Variants in PLPP6 observed in about 807,000 individuals in gnomAD.
PLPP6 encodes the protein polyisoprenoid diphosphate/phosphate phosphohydrolase PLPP6.
A neutral mutation model predicts 16.5 loss-of-function variants in PLPP6; 16 were observed. The observed-to-expected ratio is 0.97, with a 90% CI of 0.66 to 1.47. The LOEUF (loss-of-function observed/expected upper bound fraction) is 1.47, where lower values mean the gene tolerates loss of function less well. Ranked by LOEUF, PLPP6 falls within the 40% of genes most tolerant of loss-of-function variation. The pLI is 0.00. For missense variants in PLPP6, 512 were observed against 396.6 expected, an observed-to-expected ratio of 1.29 and a Z score of -2.47; for synonymous variants, 226 against 188.1, an observed-to-expected ratio of 1.20 and a Z score of -1.65.
Position 4,663,167 on chromosome 9 carries a change from C to CT in PLPP6, c.798dup (p.Leu267SerfsTer18), listed in dbSNP as rs758302526. The stretch of plus-strand genomic sequence containing the variant: ...ACAATGTCACCGACGTAGCTTTTGG[C>CT]TTTTTTCTGGGCTACATGCAGTACA... On this transcript the variant is annotated frameshift_variant, in exon 1 of 1. Coordinates refer to ENST00000381883, the MANE Select transcript of PLPP6 (RefSeq NM_203453.5). LOFTEE classifies it high-confidence loss of function. The CT allele has an allele frequency of 3.2e-5, 51 of 1,613,996 alleles. 1 individual carries two copies. The highest frequency in any genetic ancestry group is 2.6e-4 in the South Asian group (24 of 91,082).
In PLPP6 at chr9:4,663,044, G is replaced by A; in HGVS notation, c.669G>A (p.Arg223=). Residue 223 remains arginine, a synonymous_variant, in exon 1 of 1, where the codon AGG becomes AGA. Transcript: ENST00000381883. The stretch of plus-strand genomic sequence containing the variant: ...CCACAAGGGCCGCCCTGATGTCGAG[G>A]TTCATCCTGAACCACCTGGTGCTGG... ...GHATRAALMS[R]FILNHLVLAI... The A allele has an allele frequency of 1.9e-6, 3 of 1,613,932 alleles. No homozygotes were observed. Among genetic ancestry groups the A allele is most frequent in the Non-Finnish European group, 1.7e-6 (2 of 1,179,968 alleles).
Position 4,662,580 on chromosome 9 carries a change from G to C in PLPP6, c.205G>C (p.Gly69Arg), listed in dbSNP as rs190018180. ...ATCGGAGAGCCCAGTTCACCGCCGCGGCTCCTTCCCCCTGGCCGCGGCGGG... is the reference window on the plus strand; with the variant it reads ...ATCGGAGAGCCCAGTTCACCGCCGCCGCTCCTTCCCCCTGGCCGCGGCGGG... Reference protein sequence around the residue: ...RASESPVHRRGSFPLAAAGPS... With the variant: ...RASESPVHRRRSFPLAAAGPS... Residue 69 changes from glycine to arginine, a missense_variant, in exon 1 of 1, where the codon GGC becomes CGC. Transcript: ENST00000381883. This position sits in a 1 kb window ranked among gnomAD's most constrained non-coding sequence, Gnocchi z 4.9. 6.3e-7 allele frequency: 1 copy of C among 1,590,162 alleles called. No individual in the cohort carries two copies. The highest frequency in any genetic ancestry group is 8.5e-7 in the Non-Finnish European group (1 of 1,176,192).
rs1840247681 is a variant in PLPP6 at position 4,663,041 on chromosome 9, G to C, written c.666G>C (p.Ser222=). Residue 222 remains serine (S), a synonymous_variant, in exon 1 of 1, where the codon TCG becomes TCC. Transcript: ENST00000381883. ...SGHATRAALM[S]RFILNHLVLA... is the part of the protein sequence containing the mutation. Reference sequence around the variant, plus strand: ...ATGCCACAAGGGCCGCCCTGATGTCGAGGTTCATCCTGAACCACCTGGTGC... The same window carrying C: ...ATGCCACAAGGGCCGCCCTGATGTCCAGGTTCATCCTGAACCACCTGGTGC... The C allele has an allele frequency of 6.2e-7, 1 of 1,613,678 alleles. No homozygotes were observed. Among genetic ancestry groups the C allele is most frequent in the Admixed American group, 1.7e-5 (1 of 59,966 alleles).
chr9:4,662,766 C>T lies in PLPP6; in HGVS notation c.391C>T (p.Arg131Ter). The change falls in exon 1 of 1, where the codon CGA becomes TGA. Residue 131 changes from arginine (R) to a stop codon, truncating the protein, a stop_gained. Transcript: ENST00000381883. LOFTEE classifies it high-confidence loss of function. The surrounding 1 kb of genome is among the most constrained non-coding windows in gnomAD (Gnocchi z 4.9). ...AGAGAGCTCGTCGTGGGGCAGCGTG[C>T]GACCCCTTATGAAGCTGCTGGAGAT... Reference protein sequence around the residue: ...AGESSSWGSVRPLMKLLEISG... With the variant: ...AGESSSWGSV 6.2e-7 allele frequency: 1 copy of T among 1,604,766 alleles called. No individual in the cohort carries two copies. Among genetic ancestry groups the T allele is most frequent in the Non-Finnish European group, 8.5e-7 (1 of 1,179,930 alleles).
At position 4,663,456 on chromosome 9, in the gene PLPP6, G is replaced by C; in HGVS notation, c.*193G>C. The C allele has an allele frequency of 3.3e-6, 2 of 612,516 alleles. No homozygotes were observed. Among genetic ancestry groups the C allele is most frequent in the South Asian group, 2.7e-5 (1 of 36,690 alleles). The allele number at this position is 612,516 out of a possible 1,614,324, so 37.9% of individuals were successfully genotyped here. ...GCCATTACTGAACACAGCCATATTA[G>C]GGAAAGCAAAAAAACCCAAAAAATC... On this transcript the variant is annotated 3_prime_UTR_variant, in exon 1 of 1. Coordinates refer to ENST00000381883, the MANE Select transcript of PLPP6 (RefSeq NM_203453.5).
At position 4,663,133 on chromosome 9, in the gene PLPP6, T is replaced by G. The variant is rs1457230959; in HGVS notation, c.758T>G (p.Leu253Arg). The G allele has an allele frequency of 3.7e-6, 6 of 1,614,030 alleles. No homozygotes were observed. Among genetic ancestry groups the G allele is most frequent in the Non-Finnish European group, 5.1e-6 (6 of 1,180,030 alleles). The change falls in exon 1 of 1, where the codon CTG becomes CGG. Residue 253 changes from leucine to arginine, a missense_variant. Transcript: ENST00000381883. ...GTCTTGGGCCTATCCAGGGTCATGC[T>G]GGGGCGGCACAATGTCACCGACGTA... The part of the protein sequence containing the change: ...AFVLGLSRVM[L>R]GRHNVTDVAF...
Position 4,662,943 on chromosome 9 carries a change from C to A in PLPP6, c.568C>A (p.Arg190Ser), listed in dbSNP as rs770812814. The A allele has an allele frequency of 1.8e-5, 29 of 1,611,490 alleles. 1 individual carries two copies. In the South Asian group the frequency reaches 2.9e-4, roughly 16 times the overall value. Residue 190 changes from arginine to serine, a missense_variant, in exon 1 of 1, where the codon CGC (arginine) becomes AGC (serine). Transcript: ENST00000381883. The surrounding 1 kb of genome is among the most constrained non-coding windows in gnomAD (Gnocchi z 4.9). ...VALIKGLVRR[R>S]RPAHNQMDMF... The stretch of plus-strand genomic sequence containing the variant: ...CTTGATCAAAGGGCTGGTCCGCAGG[C>A]GCCGCCCGGCCCACAACCAGATGGA...
chr9:4,662,642 G>C lies in PLPP6; in HGVS notation c.267G>C (p.Glu89Asp), dbSNP rs1211108379. 1.9e-6 allele frequency: 3 copies of C among 1,599,234 alleles called. No individual in the cohort carries two copies. The highest frequency in any genetic ancestry group is 1.1e-5 in the South Asian group (1 of 91,030). The change falls in exon 1 of 1, where the codon GAG (glutamate) becomes GAC (aspartate). Residue 89 changes from glutamate (E) to aspartate (D), a missense_variant. Physicochemically the swap from Glu to Asp is conservative, Grantham distance 45 (BLOSUM62 2). Coordinates refer to ENST00000381883, the MANE Select transcript of PLPP6 (RefSeq NM_203453.5). This position sits in a 1 kb window ranked among gnomAD's most constrained non-coding sequence, Gnocchi z 4.9. ...SQSPAPPLPE[E>D]DRMDLNPSFL... is the part of the protein sequence containing the mutation. The stretch of plus-strand genomic sequence containing the variant: ...CGCCCGCGCCTCCGCTGCCCGAGGA[G>C]GACCGCATGGACTTGAACCCGTCCT...
In PLPP6 at chr9:4,664,965, A is replaced by G. The variant is rs891065694; in HGVS notation, c.*1702A>G. 4 of 167,142 alleles carry G rather than the reference A, an allele frequency of 2.4e-5. No individual in the cohort carries two copies. The highest frequency in any genetic ancestry group is 5.9e-5 in the Non-Finnish European group (4 of 68,116). 10.4% of individuals were successfully genotyped at this position (167,142 alleles called of 1,614,324 possible). On this transcript the variant is annotated 3_prime_UTR_variant, in exon 1 of 1. Coordinates refer to ENST00000381883, the MANE Select transcript of PLPP6 (RefSeq NM_203453.5). ...AACCTTAGCGAGATCCTTTAACTGC[A>G]GCAATATTCAAGCCAGATATTTGGA...
Position 4,663,172 on chromosome 9 carries a change from T to G in PLPP6, c.797T>G (p.Phe266Cys). The G allele has an allele frequency of 1.9e-6, 3 of 1,614,172 alleles. No homozygotes were observed. The highest frequency in any genetic ancestry group is 2.5e-6 in the Non-Finnish European group (3 of 1,180,024). Residue 266 changes from phenylalanine (F) to cysteine (C), a missense_variant, in exon 1 of 1, where the codon TTT becomes TGT. Coordinates refer to ENST00000381883, the MANE Select transcript of PLPP6 (RefSeq NM_203453.5). ...HNVTDVAFGFFLGYMQYSIVD... is the reference protein window; with the variant it reads ...HNVTDVAFGFCLGYMQYSIVD... Reference sequence around the variant, plus strand: ...GTCACCGACGTAGCTTTTGGCTTTTTTCTGGGCTACATGCAGTACAGCATC... The same window carrying G: ...GTCACCGACGTAGCTTTTGGCTTTTGTCTGGGCTACATGCAGTACAGCATC...
Position 4,663,775 on chromosome 9 carries a change from G to A in PLPP6, c.*512G>A, listed in dbSNP as rs1840417594. ...CATAGGTTTTTCTAGTTTATTCCCT[G>A]AAGATCTGTTGCCACAGTTGGGAGA... is the stretch of plus-strand genomic sequence containing the variant. On this transcript the variant is annotated 3_prime_UTR_variant, in exon 1 of 1. Coordinates refer to ENST00000381883, the MANE Select transcript of PLPP6 (RefSeq NM_203453.5). 1 of 167,036 alleles carries A rather than the reference G, an allele frequency of 6.0e-6. No individual in the cohort carries two copies. The highest frequency in any genetic ancestry group is 1.5e-5 in the Non-Finnish European group (1 of 68,222). The allele number at this position is 167,036 out of a possible 1,614,324, so 10.3% of individuals were successfully genotyped here. A position where few individuals can be genotyped will look rare whatever the true frequency, so the allele number is the denominator to read the frequency against.
Position 4,663,417 on chromosome 9 carries a change from T to C in PLPP6, c.*154T>C. On this transcript the variant is annotated 3_prime_UTR_variant, in exon 1 of 1. Transcript: ENST00000381883. ...CCATGATCTTGATGTGCTGCTAGGC[T>C]GGAGCACACACTGGCCATTACTGAA... The C allele has an allele frequency of 4.9e-6, 4 of 820,076 alleles. No homozygotes were observed. The highest frequency in any genetic ancestry group is 5.9e-6 in the Non-Finnish European group (3 of 506,764). 50.8% of individuals were successfully genotyped at this position (820,076 alleles called of 1,614,324 possible). A position where few individuals can be genotyped will look rare whatever the true frequency, so the allele number is the denominator to read the frequency against.
At position 4,665,131 on chromosome 9, in the gene PLPP6, A is replaced by G. The variant is rs1840674717; in HGVS notation, c.*1868A>G. ...GCCTGAGTTTTCTGGCTCTTAAAGC[A>G]TAGATCATTTCACCTGATGTTTTTG... is the stretch of plus-strand genomic sequence containing the variant. On this transcript the variant is annotated 3_prime_UTR_variant, in exon 1 of 1. Coordinates refer to ENST00000381883, the MANE Select transcript of PLPP6 (RefSeq NM_203453.5). The G allele has an allele frequency of 6.0e-6, 1 of 167,152 alleles. No individual in the cohort carries two copies. Among genetic ancestry groups the G allele is most frequent in the African/African-American group, 2.4e-5 (1 of 41,474 alleles). The allele number at this position is 167,152 out of a possible 1,614,324, so 10.4% of individuals were successfully genotyped here. A position where few individuals can be genotyped will look rare whatever the true frequency, so the allele number is the denominator to read the frequency against.
chr9:4,663,037 T>C lies in PLPP6; in HGVS notation c.662T>C (p.Met221Thr), dbSNP rs1043581687. 9.9e-6 allele frequency: 16 copies of C among 1,613,782 alleles called. No homozygotes were observed. Among genetic ancestry groups the C allele is most frequent in the Non-Finnish European group, 1.3e-5 (15 of 1,179,956 alleles). ...GGCCATGCCACAAGGGCCGCCCTGA[T>C]GTCGAGGTTCATCCTGAACCACCTG... Reference protein sequence around the residue: ...PSGHATRAALMSRFILNHLVL... With the variant: ...PSGHATRAALTSRFILNHLVL... The change falls in exon 1 of 1, where the codon ATG becomes ACG. Residue 221 changes from methionine (M) to threonine (T), a missense_variant. By Grantham distance (81) the Met-to-Thr change is moderately conservative. Coordinates refer to ENST00000381883, the MANE Select transcript of PLPP6 (RefSeq NM_203453.5).
In PLPP6 at chr9:4,663,348, G is replaced by T; in HGVS notation, c.*85G>T. The T allele has an allele frequency of 7.1e-7, 1 of 1,400,956 alleles. No individual in the cohort carries two copies. The highest frequency in any genetic ancestry group is 9.9e-7 in the Non-Finnish European group (1 of 1,012,096). 86.8% of individuals were successfully genotyped at this position (1,400,956 alleles called of 1,614,324 possible). ...ACCTAAACCAGCAGCCATCCCGCTTGTCCCTCTTAGGCATTTCAGGCTTCC... is the reference window on the plus strand; with the variant it reads ...ACCTAAACCAGCAGCCATCCCGCTTTTCCCTCTTAGGCATTTCAGGCTTCC... On this transcript the variant is annotated 3_prime_UTR_variant, in exon 1 of 1. Coordinates refer to ENST00000381883, the MANE Select transcript of PLPP6 (RefSeq NM_203453.5).
chr9:4,662,901 G>C lies in PLPP6; in HGVS notation c.526G>C (p.Asp176His), dbSNP rs1204535292. The C allele has an allele frequency of 2.5e-6, 4 of 1,608,706 alleles. No homozygotes were observed. Among genetic ancestry groups the C allele is most frequent in the Non-Finnish European group, 3.4e-6 (4 of 1,179,986 alleles). ...LMNLLFALLL[D>H]LLLVALIKGL... ...GAACCTGCTCTTCGCCCTGCTGTTG[G>C]ACCTGCTGCTGGTGGCCTTGATCAA... Residue 176 changes from aspartate (D) to histidine (H), a missense_variant, in exon 1 of 1, where the codon GAC becomes CAC. Physicochemically the swap from Asp to His is moderately conservative, Grantham distance 81. Coordinates refer to ENST00000381883, the MANE Select transcript of PLPP6 (RefSeq NM_203453.5). The surrounding 1 kb of genome is among the most constrained non-coding windows in gnomAD (Gnocchi z 4.9).
In PLPP6 at chr9:4,663,300, G is replaced by A; in HGVS notation, c.*37G>A. ...TGATTATGGCACCAGGAAGTCTGAA[G>A]GTTTCCACATTCGATGATGTCAACC... is the stretch of plus-strand genomic sequence containing the variant. On this transcript the variant is annotated 3_prime_UTR_variant, in exon 1 of 1. Transcript: ENST00000381883. The A allele has an allele frequency of 6.3e-7, 1 of 1,586,086 alleles. No homozygotes were observed. Among genetic ancestry groups the A allele is most frequent in the Non-Finnish European group, 8.6e-7 (1 of 1,162,080 alleles).
rs1456413088 is a variant in PLPP6 at position 4,663,401 on chromosome 9, T to C, written c.*138T>C. ...TGGGATTTCAGGTGTCCCATGATCT[T>C]GATGTGCTGCTAGGCTGGAGCACAC... On this transcript the variant is annotated 3_prime_UTR_variant, in exon 1 of 1. Coordinates refer to ENST00000381883, the MANE Select transcript of PLPP6 (RefSeq NM_203453.5). 2.2e-6 allele frequency: 2 copies of C among 920,448 alleles called. No individual in the cohort carries two copies. The highest frequency in any genetic ancestry group is 3.4e-6 in the Non-Finnish European group (2 of 591,668). 57.0% of individuals were successfully genotyped at this position (920,448 alleles called of 1,614,324 possible).
rs753387434 is a variant in PLPP6 at position 4,662,605 on chromosome 9, G to A, written c.230G>A (p.Gly77Asp). ...GGCTCCTTCCCCCTGGCCGCGGCGG[G>A]CCCCTCGCAGTCGCCCGCGCCTCCG... ...RRGSFPLAAA[G>D]PSQSPAPPLP... is the part of the protein sequence containing the mutation. The change falls in exon 1 of 1, where the codon GGC (glycine) becomes GAC (aspartate). Residue 77 changes from glycine to aspartate, a missense_variant. Physicochemically the swap from Gly to Asp is moderately conservative, Grantham distance 94 (BLOSUM62 -1). Transcript: ENST00000381883. This position sits in a 1 kb window ranked among gnomAD's most constrained non-coding sequence, Gnocchi z 4.9. 4 of 1,594,580 alleles carry A rather than the reference G, an allele frequency of 2.5e-6. No homozygotes were observed. The highest frequency in any genetic ancestry group is 2.5e-6 in the Non-Finnish European group (3 of 1,177,842).
Sources: gnomAD v4.1 joint callset for allele counts on GRCh38, gnomAD v4.1.1 for gene constraint, Gnocchi (gnomAD v3.1) non-coding constraint, MANE v1.5 for transcripts, NCBI Gene and HGNC (gene_info 2026-07-23, HGNC 2026-07-21) for gene names.